Variants in FCHO2 observed in about 807,000 individuals in gnomAD.
FCHO2 encodes the protein FCH and mu domain containing endocytic adaptor 2.
Under a neutral mutation model 114.1 loss-of-function variants are expected in FCHO2, and 43 were observed. That is an observed-to-expected ratio of 0.38 (90% CI 0.30 to 0.49). The LOEUF is 0.49. Ranked by LOEUF, FCHO2 falls within the 20% of genes least tolerant of loss-of-function variation. The pLI is 0.97. For missense variants in FCHO2, 807 were observed against 950.4 expected, an observed-to-expected ratio of 0.85 and a Z score of 1.98; for synonymous variants, 293 against 315.2, an observed-to-expected ratio of 0.93 and a Z score of 0.75.
intron 6 of FCHO2, among the ~76,000 whole-genome samples, chr5:73,014,040 T>C (rs946776020): frequency 6.6e-6 from 1 of 152,102 alleles, no homozygotes; most frequent in African/African-American, 2.4e-5. Flanking sequence ...GTTTCCTCTC[T>C]GGGGATATCA....
intron 20 of FCHO2, among the ~76,000 whole-genome samples, chr5:73,076,979 T>C (rs1220821649): frequency 6.6e-6 from 1 of 152,120 alleles, no homozygotes. Flanking sequence ...CAGTGCTTTT[T>C]GGGGTTTGGG....
intron 8 of FCHO2, among the ~76,000 whole-genome samples, chr5:73,019,726 G>A (rs2112753620): frequency 6.6e-6 from 1 of 152,300 alleles, no homozygotes. Context: ...AGGCTTTATA[G>A]GGTGTCCAGC....
At chr5:73,043,899 A>T (rs1756930554) in intron 11 of FCHO2, among the ~76,000 whole-genome samples, 1 of 152,144 alleles carries the variant, frequency 6.6e-6, no homozygotes, top group South Asian at 2.1e-4. Flanking sequence ...TCTGTGGCTG[A>T]TGTGACTTGG....
chr5:73,084,466 A>G (rs1049692681), intron 24 of FCHO2, among the ~76,000 whole-genome samples: 1 of 152,058 alleles, frequency 6.6e-6, no homozygotes, highest in Non-Finnish European at 1.5e-5. Flanking sequence ...GGGTTTCGCC[A>G]TGTTGGCCAG....
intron 8 of FCHO2, chr5:73,020,852 C>T: frequency 1.0e-6 from 1 of 960,536 alleles, no homozygotes; most frequent in Non-Finnish European, 1.7e-6. Flanking sequence ...GAGATATTTA[C>T]TCTGACCATT....
chr5:73,028,816 A>G (rs182194987), intron 8 of FCHO2, among the ~76,000 whole-genome samples: 1 of 151,964 alleles, frequency 6.6e-6, no homozygotes, highest in East Asian at 1.9e-4. Context: ...ATGCCCAGTT[A>G]GTTTTTGTAT....
At chr5:73,055,228 A>G (rs1757536170) in intron 15 of FCHO2, 1 of 214,586 alleles carries the variant, frequency 4.7e-6, no homozygotes, top group Non-Finnish European at 1.0e-5. Flanking sequence ...GAAAATGAGG[A>G]TAAATGCAGG....
At chr5:73,086,493 A>G (rs539145682) in intron 24 of FCHO2, among the ~76,000 whole-genome samples, 3 of 152,356 alleles carry the variant, frequency 2.0e-5, no homozygotes, top group East Asian at 1.9e-4. Context: ...TGCTCTATCC[A>G]GAAACCTGGG....
chr5:73,074,873 G>T lies in FCHO2; in HGVS notation c.1691+20G>T. 2.5e-6 allele frequency: 4 copies of T among 1,579,440 alleles called. No individual in the cohort carries two copies. Among genetic ancestry groups the T allele is most frequent in the Non-Finnish European group, 3.5e-6 (4 of 1,154,120 alleles). ...CACCAAGTTAGTTTTTAAAATATAT[G>T]CATGTATGTGTATGTATGTGTGTTG... is the stretch of plus-strand genomic sequence containing the variant. On this transcript the variant is annotated intron_variant, in intron 20 of 25. Coordinates refer to ENST00000430046, the MANE Select transcript of FCHO2 (RefSeq NM_138782.3).
intron 10 of FCHO2, among the ~76,000 whole-genome samples, chr5:73,040,294 G>A (rs1375865229): frequency 2.0e-5 from 3 of 152,134 alleles, no homozygotes; most frequent in Non-Finnish European, 2.9e-5. Context: ...AAATCCCAAA[G>A]CCAGAATGTT....
In FCHO2 at chr5:73,037,665, A is replaced by G. The variant is rs571428602; in HGVS notation, c.914+450A>G. On this transcript the variant is annotated intron_variant, in intron 10 of 25. Coordinates refer to ENST00000430046, the MANE Select transcript of FCHO2 (RefSeq NM_138782.3). ...ATACATACATTGATGGAAAATGTTA[A>G]ATAGGGGAGAGAAAAGCCCTAACAT... is the stretch of plus-strand genomic sequence containing the variant. 49 of 295,836 alleles carry G rather than the reference A, an allele frequency of 1.7e-4. 1 individual carries two copies. Among genetic ancestry groups the G allele is most frequent in the South Asian group, 1.4e-3 (49 of 35,572 alleles). The allele number at this position is 295,836 out of a possible 1,614,324, so 18.3% of individuals were successfully genotyped here.
intron 6 of FCHO2, among the ~76,000 whole-genome samples, chr5:73,010,719 A>G (rs1754959816): frequency 6.6e-6 from 1 of 151,890 alleles, no homozygotes; most frequent in African/African-American, 2.4e-5. Context: ...TCTACTAAAA[A>G]TACAAAACTT....
intron 8 of FCHO2, among the ~76,000 whole-genome samples, chr5:73,018,971 T>C (rs2112751412): frequency 6.6e-6 from 1 of 152,310 alleles, no homozygotes; most frequent in African/African-American, 2.4e-5. Flanking sequence ...AATAGACTCA[T>C]AGGGACATAC....
intron 5 of FCHO2, among the ~76,000 whole-genome samples, chr5:72,992,097 A>G (rs1753842491): frequency 6.6e-6 from 1 of 152,204 alleles, no homozygotes; most frequent in Non-Finnish European, 1.5e-5. Context: ...GAAATATGAT[A>G]TATGACTATA....
intron 8 of FCHO2, among the ~76,000 whole-genome samples, chr5:73,022,124 G>A (rs754985549): frequency 5.9e-5 from 9 of 152,166 alleles, no homozygotes; most frequent in African/African-American, 2.2e-4. Context: ...ACTAAGTGTA[G>A]ATATGTTGAC....
intron 24 of FCHO2, among the ~76,000 whole-genome samples, chr5:73,085,035 A>G (rs1743247526): frequency 1.3e-5 from 2 of 152,382 alleles, no homozygotes; most frequent in East Asian, 1.9e-4. Flanking sequence ...ATAATTAACA[A>G]GAAAGAAATT....
intron 19 of FCHO2, among the ~76,000 whole-genome samples, 154 bp from the exon 20 acceptor site, chr5:73,074,588 A>G (rs2112885336): frequency 6.6e-6 from 1 of 151,714 alleles, no homozygotes; most frequent in East Asian, 1.9e-4. Flanking sequence ...AGTTTGTTTT[A>G]TACTATATTT....
Position 72,956,100 on chromosome 5 carries a change from G to A in FCHO2, c.4G>A (p.Val2Ile). ...AACCCGGCGCGGCGGCGGCACGATG[G>A]TCATGGCGTATTTCGTCGAGAATTT... M[V>I]MAYFVENFWG... Residue 2 changes from valine (V) to isoleucine (I), a missense_variant, in exon 1 of 26, where the codon GTC (valine) becomes ATC (isoleucine). By Grantham distance (29) the Val-to-Ile change is conservative. Coordinates refer to ENST00000430046, the MANE Select transcript of FCHO2 (RefSeq NM_138782.3). The A allele has an allele frequency of 6.5e-7, 1 of 1,542,036 alleles. No homozygotes were observed. The highest frequency in any genetic ancestry group is 8.7e-7 in the Non-Finnish European group (1 of 1,143,244).
chr5:73,036,478 A>G (rs115807776), intron 9 of FCHO2, among the ~76,000 whole-genome samples: 8,592 of 151,834 alleles, frequency 0.057, 353 homozygotes, highest in Non-Finnish European at 0.093. Context: ...GACTCAAGCA[A>G]TCCTCTCACC....
Sources: allele counts gnomAD v4.1 joint callset (sites outside exome capture counted in the v4.1 genomes callset), GRCh38; gene constraint gnomAD v4.1.1; transcripts MANE v1.5; gene names NCBI Gene and HGNC (gene_info 2026-07-23, HGNC 2026-07-21).